ABR: variants seen among roughly 807,000 people sequenced by gnomAD.
ABR encodes active breakpoint cluster region-related protein.
A neutral mutation model predicts 107.2 loss-of-function variants in ABR; 35 were observed. The observed-to-expected ratio is 0.33, with a 90% CI of 0.25 to 0.43. ABR has a LOEUF of 0.43. ABR is among the 20% of genes least tolerant of loss of function. ABR has a pLI of 1.00. For synonymous variants in ABR, 498 were observed against 462.0 expected (o/e 1.08, Z -1.00); for missense variants, 815 against 1,115.2 (o/e 0.73, Z 3.83).
chr17:1,171,801 GCAC>G, intron 1 of ABR, among the ~76,000 whole-genome samples: 1 of 152,176 alleles, frequency 6.6e-6, no homozygotes, highest in South Asian at 2.1e-4. Context: ...CGTGGTGGCA[GCAC>G]CTGTAATCCC....
At chr17:1,046,453 T>C (rs893913071) in intron 16 of ABR, among the ~76,000 whole-genome samples, 2 of 152,184 alleles carry the variant, frequency 1.3e-5, no homozygotes, top group African/African-American at 4.8e-5. Flanking sequence ...GTATTTTTAG[T>C]AGGAAAGGGG....
At chr17:1,100,382 G>A (rs2037783388) in intron 3 of ABR, among the ~76,000 whole-genome samples, 1 of 152,244 alleles carries the variant, frequency 6.6e-6, no homozygotes, top group South Asian at 2.1e-4. Context: ...GTGGGTGACA[G>A]GTGTGTTTGC....
At chr17:1,029,654 G>A (rs765183006) in intron 16 of ABR, among the ~76,000 whole-genome samples, 45 of 152,032 alleles carry the variant, frequency 3.0e-4, no homozygotes, top group Admixed American at 7.9e-4. Flanking sequence ...CCAGCCCCTC[G>A]GCCCAACTGT....
intron 1 of ABR, among the ~76,000 whole-genome samples, chr17:1,226,641 G>T (rs1295407789): frequency 6.6e-6 from 1 of 150,982 alleles, no homozygotes; most frequent in African/African-American, 2.4e-5. Context: ...TACATGTGAA[G>T]GTGTGAATGT....
At chr17:1,163,159 C>A (rs1439163616) in intron 1 of ABR, among the ~76,000 whole-genome samples, 1 of 152,220 alleles carries the variant, frequency 6.6e-6, no homozygotes, top group Non-Finnish European at 1.5e-5. Context: ...TAAGTATCTT[C>A]TTCATAGACT....
intron 2 of ABR, among the ~76,000 whole-genome samples, chr17:1,124,351 A>G (rs2039492840): frequency 6.6e-6 from 1 of 152,112 alleles, no homozygotes; most frequent in African/African-American, 2.4e-5. Context: ...CACCCGGACG[A>G]GCAGGACCAA....
Position 1,155,323 on chromosome 17 carries a change from C to T in ABR, c.61+24344G>A, listed in dbSNP as rs117056850. On this transcript the variant is annotated intron_variant, in intron 1 of 22. Coordinates refer to ENST00000302538, the MANE Select transcript of ABR (RefSeq NM_021962.5). ...CTTCATGGGGAAAGAAGAATCTTTT[C>T]ACCAAATGGTGCTGGGACAACCAGA... 6.0e-3 allele frequency among the ~76,000 whole-genome samples: 911 copies of T among 152,296 alleles called. 26 individuals are homozygous for T. The East Asian group carries it at 0.087, about 14-fold the overall frequency.
At chr17:1,197,555 A>G (rs1234316225) in intron 1 of ABR, among the ~76,000 whole-genome samples, 2 of 150,872 alleles carry the variant, frequency 1.3e-5, no homozygotes, top group Non-Finnish European at 2.9e-5. Context: ...CATTGCCCAA[A>G]CCCCTGCATG....
At chr17:1,102,169 C>A (rs1473562287) in intron 2 of ABR, among the ~76,000 whole-genome samples, 1 of 152,200 alleles carries the variant, frequency 6.6e-6, no homozygotes, top group East Asian at 1.9e-4. Flanking sequence ...CAGGACATCG[C>A]TCAGTCTCCC....
chr17:1,015,486 C>T (rs1263094036), intron 16 of ABR, among the ~76,000 whole-genome samples: 1 of 150,926 alleles, frequency 6.6e-6, no homozygotes, highest in African/African-American at 2.4e-5. Flanking sequence ...GACAGAGTTT[C>T]GCTCTTATTG....
At chr17:1,175,959 C>A (rs776766446) in intron 1 of ABR, among the ~76,000 whole-genome samples, 76 of 152,252 alleles carry the variant, frequency 5.0e-4, no homozygotes, top group Non-Finnish European at 8.7e-4. Flanking sequence ...GGCGTGGTGG[C>A]GGGCGCCTGC....
chr17:1,192,204 T>A (rs1027887665), upstream of ABR, among the ~76,000 whole-genome samples: 3 of 152,054 alleles, frequency 2.0e-5, no homozygotes, highest in African/African-American at 7.2e-5. Context: ...CTCGAACTCG[T>A]AGGCTCAAGC....
intron 1 of ABR, among the ~76,000 whole-genome samples, chr17:1,147,523 G>A (rs539042884): frequency 6.6e-6 from 1 of 152,138 alleles, no homozygotes; most frequent in South Asian, 2.1e-4. Flanking sequence ...ACCACACTCA[G>A]CTAATTTTTA....
rs541117365 is a variant in ABR, at chr17:1,078,003, G to A, written c.700+1327C>T. Among the ~76,000 whole-genome samples the A allele has an allele frequency of 3.7e-3, 553 of 149,518 alleles. 8 individuals are homozygous for A. Among genetic ancestry groups the A allele is most frequent in the Middle Eastern group, 0.014 (4 of 292 alleles). The stretch of plus-strand genomic sequence containing the variant: ...CGGCTTCATCCTCCTACGACCGACA[G>A]TCGTGTTGATGACATGCACCTGTCC... On this transcript the variant is annotated intron_variant, in intron 6 of 22. Transcript: ENST00000302538. This position sits in a 1 kb window ranked among gnomAD's most constrained non-coding sequence, Gnocchi z 7.5.
intron 5 of ABR, 37 bp from the exon 6 acceptor site, chr17:1,079,427 T>C (rs2036030519): frequency 6.3e-7 from 1 of 1,577,206 alleles, no homozygotes; most frequent in South Asian, 1.1e-5. Flanking sequence ...GCCTGTTCTG[T>C]CCCTCACCTC....
intron 16 of ABR, among the ~76,000 whole-genome samples, chr17:1,033,523 G>GT (rs2072959557): frequency 6.6e-6 from 1 of 152,244 alleles, no homozygotes; most frequent in Non-Finnish European, 1.5e-5. Flanking sequence ...TGATGCCCTA[G>GT]TGTGGCAGGA....
At chr17:1,168,009 G>A (rs550660522) in intron 1 of ABR, among the ~76,000 whole-genome samples, 26 of 151,732 alleles carry the variant, frequency 1.7e-4, no homozygotes, top group Non-Finnish European at 2.5e-4. Flanking sequence ...AAAATTAGCC[G>A]GGCGTGGTGG....
intron 22 of ABR, among the ~76,000 whole-genome samples, chr17:1,006,797 C>CAGATGTCCGCAGCCGAGGTGA (rs2070074145): frequency 7.5e-6 from 1 of 133,666 alleles, no homozygotes; most frequent in East Asian, 2.4e-4. Flanking sequence ...GTCATGGGAC[C>CAGATGTCCGCAGCCGAGGTGA]GTCACCCTCC....
At chr17:1,120,467 CG>C (rs1412574725) in intron 2 of ABR, among the ~76,000 whole-genome samples, 1 of 151,966 alleles carries the variant, frequency 6.6e-6, no homozygotes, top group Admixed American at 6.6e-5. Context: ...TTAGTAGAGA[CG>C]GGGTTTCACC....
Sources: allele counts gnomAD v4.1 joint callset (sites outside exome capture counted in the v4.1 genomes callset), GRCh38; gene constraint gnomAD v4.1.1; non-coding constraint Gnocchi (gnomAD v3.1); transcripts MANE v1.5; gene names NCBI Gene and HGNC (gene_info 2026-07-23, HGNC 2026-07-21).